The following LBP variants were observed in gnomAD, a reference collection of about 807,000 sequenced individuals.
LBP encodes lipopolysaccharide-binding protein.
A neutral mutation model predicts 56.6 loss-of-function variants in LBP; 53 were observed. The ratio of observed to expected loss-of-function variants is 0.94; its 90% CI spans 0.75 to 1.18. The LOEUF is 1.18. Among genes scored for constraint, LBP ranks in the 50% most tolerant of loss-of-function variants. The pLI is 0.00. For synonymous variants in LBP, 227 were observed against 247.5 expected (o/e 0.92, Z 0.78); for missense variants, 601 against 598.3 (o/e 1.00, Z -0.05).
intron 3 of LBP, among the ~76,000 whole-genome samples, chr20:38,353,294 G>A (rs1221630509): frequency 6.6e-6 from 1 of 152,000 alleles, no homozygotes; most frequent in African/African-American, 2.4e-5. Context: ...CATCCCAAGA[G>A]AAAATTCCTT....
intron 1 of LBP, 109 bp from the exon 2 acceptor site, chr20:38,349,439 A>G: frequency 1.3e-6 from 1 of 752,238 alleles, no homozygotes. Context: ...CTTAATGCTA[A>G]TAAGGATGTT....
chr20:38,355,346 G>C lies in LBP; in HGVS notation c.525G>C (p.Gly175=). 1.2e-6 allele frequency: 2 copies of C among 1,613,728 alleles called. No homozygotes were observed. The highest frequency in any genetic ancestry group is 1.7e-6 in the Non-Finnish European group (2 of 1,179,898). Residue 175 remains glycine, a splice_region_variant and synonymous_variant, in exon 5 of 15, where the codon GGG becomes GGC. Transcript: ENST00000217407. ...TGGCAGACTGTGCTTCTCTCCCCAG[G>C]TGGCTGTTGAACCTCTTCCACAACC... The part of the protein sequence containing the change: ...DVEVDMSGDL[G]WLLNLFHNQI...
chr20:38,355,470 A>G (rs1222737762), intron 5 of LBP, 61 bp downstream of exon 5: 6 of 1,418,016 alleles, frequency 4.2e-6, no homozygotes, highest in Non-Finnish European at 6.0e-6. Context: ...GGAAGACCTC[A>G]CTGACCAATG....
rs764395564 is a variant in LBP, at chr20:38,376,814, CCCT to C, written c.*153_*155del. On this transcript the variant is annotated 3_prime_UTR_variant, in exon 15 of 15. Transcript: ENST00000217407. ...GAGGTGTGCCTGGCCTCTGCCTCCA[CCCT>C]CCTCCTCTTCACCAGGTGCATGCAT... 1 of 807,954 alleles carries C rather than the reference CCCT, an allele frequency of 1.2e-6. No individual in the cohort carries two copies. Among genetic ancestry groups the C allele is most frequent in the South Asian group, 1.4e-5 (1 of 72,862 alleles). The allele number at this position is 807,954 out of a possible 1,614,324, so 50.0% of individuals were successfully genotyped here. A position where few individuals can be genotyped will look rare whatever the true frequency, so the allele number is the denominator to read the frequency against.
chr20:38,367,254 G>A (rs1352084020), intron 9 of LBP, among the ~76,000 whole-genome samples: 1 of 152,090 alleles, frequency 6.6e-6, no homozygotes, highest in Non-Finnish European at 1.5e-5. Flanking sequence ...AGGAGTTCAA[G>A]ACCAGCCTGG....
intron 7 of LBP, 119 bp from the exon 8 acceptor site, chr20:38,364,457 G>C (rs1285499945): frequency 8.8e-6 from 8 of 909,246 alleles, no homozygotes; most frequent in African/African-American, 1.6e-5. Context: ...GCCTTTAATG[G>C]TGGAGTTTCA....
At chr20:38,365,332 A>G (rs921867737) in intron 8 of LBP, among the ~76,000 whole-genome samples, 1 of 151,694 alleles carries the variant, frequency 6.6e-6, no homozygotes, top group Non-Finnish European at 1.5e-5. Context: ...CCTGTTTACT[A>G]GTCTAGACTT....
At chr20:38,352,675 A>G (rs533348988) in intron 3 of LBP, among the ~76,000 whole-genome samples, 1 of 152,362 alleles carries the variant, frequency 6.6e-6, no homozygotes, top group Admixed American at 6.5e-5. Context: ...GAACCGCTGT[A>G]GCCTGGGAGG....
chr20:38,371,895 G>A (rs182151158), intron 12 of LBP, among the ~76,000 whole-genome samples: 1 of 152,276 alleles, frequency 6.6e-6, no homozygotes, highest in Admixed American at 6.5e-5. Context: ...CAAGCACTGT[G>A]GCCAGAAGTC....
chr20:38,353,022 C>G (rs1013735274), intron 3 of LBP, among the ~76,000 whole-genome samples: 2 of 152,062 alleles, frequency 1.3e-5, no homozygotes, highest in African/African-American at 4.8e-5. Context: ...CCTACATATG[C>G]ACATTTGTTC....
intron 4 of LBP, among the ~76,000 whole-genome samples, chr20:38,354,804 C>T (rs1171998674): frequency 1.3e-5 from 2 of 151,976 alleles, no homozygotes; most frequent in African/African-American, 2.4e-5. Context: ...AAAGTGTGAC[C>T]GGGTGTGGTG....
In LBP at chr20:38,346,490, C is replaced by A; in HGVS notation, c.-27C>A. 1 of 1,612,708 alleles carries A rather than the reference C, an allele frequency of 6.2e-7. No individual in the cohort carries two copies. Among genetic ancestry groups the A allele is most frequent in the South Asian group, 1.1e-5 (1 of 90,978 alleles). ...GGGCCCAATCCACAGCTGGGACAGT[C>A]CTGGCCCACTGCACTGGGAATCTAG... is the stretch of plus-strand genomic sequence containing the variant. On this transcript the variant is annotated 5_prime_UTR_variant, in exon 1 of 15. Coordinates refer to ENST00000217407, the MANE Select transcript of LBP (RefSeq NM_004139.5).
At chr20:38,361,095 G>A (rs2076858589) in intron 6 of LBP, among the ~76,000 whole-genome samples, 1 of 151,592 alleles carries the variant, frequency 6.6e-6, no homozygotes, top group African/African-American at 2.4e-5. Flanking sequence ...CCAGAAGGTG[G>A]AGGTTGCAGT....
intron 14 of LBP, among the ~76,000 whole-genome samples, chr20:38,374,477 A>G (rs1458463324): frequency 1.3e-5 from 2 of 151,762 alleles, no homozygotes; most frequent in African/African-American, 2.4e-5. Context: ...GGTGCCTGTA[A>G]TCCCAGCTAC....
At chr20:38,372,940 G>A in intron 12 of LBP, 132 bp from the exon 13 acceptor site, 1 of 755,268 alleles carries the variant, frequency 1.3e-6, no homozygotes, top group Non-Finnish European at 2.2e-6. Flanking sequence ...TCTCAAAAGA[G>A]TTTTATCTTA....
chr20:38,366,438 A>G (rs1317438435), intron 8 of LBP, among the ~76,000 whole-genome samples: 1 of 152,144 alleles, frequency 6.6e-6, no homozygotes, highest in Non-Finnish European at 1.5e-5. Flanking sequence ...CATTTTATGG[A>G]TAAGGAAGTT....
intron 3 of LBP, among the ~76,000 whole-genome samples, chr20:38,351,904 T>C (rs1484247277): frequency 6.6e-6 from 1 of 151,742 alleles, no homozygotes; most frequent in African/African-American, 2.4e-5. Flanking sequence ...CCAGGTGTGG[T>C]GGCAGGTACC....
In LBP at chr20:38,363,600, T is replaced by C. The variant is rs1488984106; in HGVS notation, c.653-375T>C. On this transcript the variant is annotated intron_variant, in intron 6 of 14. Transcript: ENST00000217407. ...ACTTGGAACATTCATCCATTCAGGG[T>C]TTTGGAGGGGAGTGTCTGGGCCCTC... Among the ~76,000 whole-genome samples the C allele has an allele frequency of 2.0e-5, 3 of 152,048 alleles. No homozygotes were observed. In the South Asian group the frequency reaches 6.2e-4, roughly 32 times the overall value.
intron 13 of LBP, 97 bp from the exon 14 acceptor site, chr20:38,373,840 C>T (rs1035483699): frequency 9.7e-6 from 10 of 1,030,454 alleles, no homozygotes; most frequent in Admixed American, 5.4e-5. Context: ...TGGGAATATA[C>T]TGAATATAGA....
Sources: gnomAD v4.1 joint callset for allele counts (sites outside exome capture counted in the v4.1 genomes callset) on GRCh38, gnomAD v4.1.1 for gene constraint, MANE v1.5 for transcripts, NCBI Gene and HGNC (gene_info 2026-07-23, HGNC 2026-07-21) for gene names.